Variants in STAT3 observed in about 807,000 individuals in gnomAD.
STAT3 encodes DNA-binding protein APRF.
Under a neutral mutation model 114.3 loss-of-function variants are expected in STAT3, and 7 were observed. The observed-to-expected ratio is 0.06, with a 90% confidence interval of 0.03 to 0.11. The LOEUF (loss-of-function observed/expected upper bound fraction) is 0.11, where lower values mean the gene tolerates loss of function less well. Ranked by LOEUF, STAT3 falls within the 10% of genes least tolerant of loss-of-function variation. The probability of loss-of-function intolerance (pLI) is 1.00; values close to 1 mark genes in which losing one functional copy is unlikely to be tolerated. For missense variants in STAT3, 364 were observed against 960.9 expected, an observed-to-expected ratio of 0.38 and a Z score of 8.21; for synonymous variants, 331 against 354.5, an observed-to-expected ratio of 0.93 and a Z score of 0.74.
At chr17:42,365,654 T>C (rs1053462506) in intron 1 of STAT3, among the ~76,000 whole-genome samples, 4 of 150,792 alleles carry the variant, frequency 2.7e-5, no homozygotes, top group African/African-American at 9.7e-5. Context: ...TTTTTTTTGT[T>C]TTTTTTTGTT....
chr17:42,314,295 C>T lies in STAT3; in HGVS notation c.*1450G>A, dbSNP rs1489090890. On this transcript the variant is annotated 3_prime_UTR_variant, in exon 24 of 24. Coordinates refer to ENST00000264657, the MANE Select transcript of STAT3 (RefSeq NM_139276.3). ...TATCACCAAGAAACTGGCTAAGAAC[C>T]ATATTCCCTGAGCTCAACCAGACAC... The T allele has an allele frequency of 4.3e-6, 1 of 233,344 alleles. No homozygotes were observed. The highest frequency in any genetic ancestry group is 1.3e-3 in the Middle Eastern group (1 of 800). The allele number at this position is 233,344 out of a possible 1,614,324, so 14.5% of individuals were successfully genotyped here. A position where few individuals can be genotyped will look rare whatever the true frequency, so the allele number is the denominator to read the frequency against.
intron 5 of STAT3, 23 bp downstream of exon 5, chr17:42,339,291 C>G (rs2082345682): frequency 1.2e-6 from 2 of 1,612,202 alleles, no homozygotes; most frequent in South Asian, 1.1e-5. Context: ...AGCTCCCTGC[C>G]CGAGGCTTGT....
chr17:42,326,244 A>C, intron 14 of STAT3, 45 bp from the exon 15 acceptor site: 1,130 of 1,569,242 alleles, frequency 7.2e-4, no homozygotes, highest in Non-Finnish European at 9.1e-4. Context: ...GTGGTGGCTC[A>C]TGCCTGTAAT....
At chr17:42,371,771 C>T (rs2145264331) in intron 1 of STAT3, among the ~76,000 whole-genome samples, 1 of 151,520 alleles carries the variant, frequency 6.6e-6, no homozygotes, top group South Asian at 2.1e-4. Context: ...TACCTGAGCT[C>T]AGGAGTTCAA....
At chr17:42,386,100 T>C (rs1457546070) in intron 1 of STAT3, among the ~76,000 whole-genome samples, 1 of 151,860 alleles carries the variant, frequency 6.6e-6, no homozygotes, top group Non-Finnish European at 1.5e-5. Context: ...GCCAATATGG[T>C]AAAACCCCGG....
chr17:42,329,877 C>T lies in STAT3; in HGVS notation c.1110-101G>A, dbSNP rs1345435676. The T allele has an allele frequency of 4.6e-6, 6 of 1,293,436 alleles. No individual in the cohort carries two copies. The Admixed American group carries it at 7.7e-5, about 17-fold the overall frequency. The allele number at this position is 1,293,436 out of a possible 1,614,324, so 80.1% of individuals were successfully genotyped here. On this transcript the variant is annotated intron_variant, in intron 11 of 23. Transcript: ENST00000264657. ...TTACTGTCATGAAAAAACCTCTGTG[C>T]TCCTGGGCATTTCTTTAAACTATTC...
At chr17:42,329,914 AT>A (rs2081921587) in intron 11 of STAT3, 138 bp from the exon 12 acceptor site, 2 of 1,014,920 alleles carry the variant, frequency 2.0e-6, no homozygotes, top group Non-Finnish European at 3.0e-6. Context: ...GTTACAGTTG[AT>A]CAGCGCAACA....
intron 1 of STAT3, among the ~76,000 whole-genome samples, chr17:42,374,618 A>G (rs1301850448): frequency 6.6e-6 from 1 of 151,414 alleles, no homozygotes; most frequent in African/African-American, 2.4e-5. Context: ...CTCAAAAAAA[A>G]AAAAAAAAAA....
At chr17:42,372,750 G>C (rs1015534729) in intron 1 of STAT3, among the ~76,000 whole-genome samples, 4 of 152,116 alleles carry the variant, frequency 2.6e-5, no homozygotes, top group African/African-American at 9.7e-5. Context: ...GGGAGACTGA[G>C]GCAGGAGGAT....
chr17:42,384,130 T>TA (rs2084954562), intron 1 of STAT3, among the ~76,000 whole-genome samples: 2 of 80,658 alleles, frequency 2.5e-5, no homozygotes, highest in South Asian at 4.1e-4. Context: ...ATTTATTTAT[T>TA]TATTTTTTTT....
At chr17:42,336,785 AT>A (rs1417708615) in intron 8 of STAT3, among the ~76,000 whole-genome samples, 1 of 151,706 alleles carries the variant, frequency 6.6e-6, no homozygotes, top group Non-Finnish European at 1.5e-5. Context: ...CTGTATTTGA[AT>A]TTTTTCCCTT....
At chr17:42,346,497 G>T in intron 3 of STAT3, 72 bp downstream of exon 3, 1 of 1,600,730 alleles carries the variant, frequency 6.2e-7, no homozygotes, top group Non-Finnish European at 8.5e-7. Flanking sequence ...GAAAAGAGAT[G>T]CTTCCAGGAA....
intron 1 of STAT3, among the ~76,000 whole-genome samples, chr17:42,371,693 AAATT>A (rs1356183545): frequency 1.3e-5 from 2 of 148,686 alleles, no homozygotes; most frequent in African/African-American, 5.0e-5. Flanking sequence ...AAAAAAAAAA[AAATT>A]GAGGCCAGGT....
intron 1 of STAT3, among the ~76,000 whole-genome samples, chr17:42,374,471 A>G (rs966701703): frequency 6.6e-6 from 1 of 152,032 alleles, no homozygotes; most frequent in African/African-American, 2.4e-5. Context: ...TTAGCCAGGC[A>G]TGGTGGTGCA....
At chr17:42,376,046 G>A (rs2084434997) in intron 1 of STAT3, among the ~76,000 whole-genome samples, 1 of 151,832 alleles carries the variant, frequency 6.6e-6, no homozygotes, top group African/African-American at 2.4e-5. Flanking sequence ...AGCTACTCGG[G>A]AGGCTGAGGC....
intron 1 of STAT3, among the ~76,000 whole-genome samples, chr17:42,358,979 G>T (rs950083152): frequency 2.5e-5 from 3 of 121,346 alleles, no homozygotes; most frequent in Non-Finnish European, 4.9e-5. Flanking sequence ...CTGTTGCCCA[G>T]GCTGGAATGC....
At chr17:42,316,560 A>G (rs1052404737) in intron 23 of STAT3, 1 of 1,200,130 alleles carries the variant, frequency 8.3e-7, no homozygotes, top group African/African-American at 1.5e-5. Context: ...TGTTGGATTT[A>G]GTGGGTTAAA....
At chr17:42,379,279 C>A (rs550162957) in intron 1 of STAT3, among the ~76,000 whole-genome samples, 123 of 152,262 alleles carry the variant, frequency 8.1e-4, no homozygotes, top group African/African-American at 2.9e-3. Context: ...AAAAGCACTG[C>A]CTTTTCTTTC....
At chr17:42,323,187 C>T (rs1216212278) in intron 19 of STAT3, 44 bp from the exon 20 acceptor site, 12 of 1,614,088 alleles carry the variant, frequency 7.4e-6, no homozygotes, top group Non-Finnish European at 1.0e-5. Flanking sequence ...GCTAACAGGG[C>T]ATCCATCCCC....
Sources: gnomAD v4.1 joint callset for allele counts (sites outside exome capture counted in the v4.1 genomes callset) on GRCh38, gnomAD v4.1.1 for gene constraint, MANE v1.5 for transcripts, NCBI Gene and HGNC (gene_info 2026-07-23, HGNC 2026-07-21) for gene names.